Variants in ESRRG observed in about 807,000 individuals in gnomAD.
ESRRG encodes the protein estrogen related receptor gamma.
In ESRRG, 13 loss-of-function variants were observed where a neutral mutation model predicts 44.0. The ratio of observed to expected loss-of-function variants is 0.30; its 90% confidence interval spans 0.19 to 0.47. ESRRG has a LOEUF of 0.47. Among genes scored for constraint, ESRRG ranks in the 20% least tolerant of loss-of-function variants. The pLI is 1.00. For synonymous variants in ESRRG, 215 were observed against 214.6 expected (o/e 1.00, Z -0.02); for missense variants, 395 against 580.6 (o/e 0.68, Z 3.29).
intron 1 of ESRRG, among the ~76,000 whole-genome samples, chr1:217,027,126 A>G (rs993552174): frequency 3.3e-5 from 5 of 152,116 alleles, no homozygotes; most frequent in Admixed American, 2.0e-4. Context: ...TAAATCTCTC[A>G]CCACAAAGGC....
intron 1 of ESRRG, among the ~76,000 whole-genome samples, chr1:217,036,531 G>A (rs544925606): frequency 2.4e-4 from 37 of 152,274 alleles, no homozygotes; most frequent in African/African-American, 8.4e-4. Flanking sequence ...GATGGAGCTG[G>A]CAGCCATTCT....
chr1:216,961,366 T>G (rs978048482), intron 1 of ESRRG, among the ~76,000 whole-genome samples: 2 of 152,126 alleles, frequency 1.3e-5, no homozygotes, highest in Non-Finnish European at 2.9e-5. Context: ...AGTGCAAAAA[T>G]TACCAACCAT....
chr1:216,811,452 C>G (rs950756828), intron 2 of ESRRG, among the ~76,000 whole-genome samples: 1 of 152,166 alleles, frequency 6.6e-6, no homozygotes, highest in Middle Eastern at 3.2e-3. Flanking sequence ...CTCATTAACT[C>G]TAACCTCTCC....
Position 216,519,424 on chromosome 1 carries a change from G to A in ESRRG, c.863-3C>T. ...CGCCAGGGACAGCGTGGAGAAGCCT[G>A]CATGGAAAGATGGGCAGATCAAGTT... On this transcript the variant is annotated splice_region_variant and splice_polypyrimidine_tract_variant and intron_variant, in intron 5 of 6. Coordinates refer to ENST00000408911, the MANE Select transcript of ESRRG (RefSeq NM_001438.4). 6.3e-7 allele frequency: 1 copy of A among 1,599,596 alleles called. No homozygotes were observed. Among genetic ancestry groups the A allele is most frequent in the Non-Finnish European group, 8.5e-7 (1 of 1,177,328 alleles).
upstream of ESRRG, among the ~76,000 whole-genome samples, chr1:217,090,751 C>T (rs763533094): frequency 3.9e-5 from 6 of 152,148 alleles, no homozygotes; most frequent in Non-Finnish European, 8.8e-5. Flanking sequence ...CCAGGGGAGT[C>T]TGGAAGGGCA....
rs188027845 is a variant in ESRRG, at chr1:216,622,218, A to G, written c.589+28755T>C. On this transcript the variant is annotated intron_variant, in intron 3 of 6. Transcript: ENST00000408911. The stretch of plus-strand genomic sequence containing the variant: ...CCTTCTGAGGCTTCATTTGACCACA[A>G]TGACCTCAATGGAGAAAGTCCTTTG... Among the ~76,000 whole-genome samples the G allele has an allele frequency of 5.3e-5, 8 of 152,326 alleles. No individual in the cohort carries two copies. In the East Asian group the frequency reaches 1.5e-3, roughly 29 times the overall value.
chr1:216,536,231 C>A (rs547732820), intron 5 of ESRRG, among the ~76,000 whole-genome samples: 1 of 152,212 alleles, frequency 6.6e-6, no homozygotes, highest in South Asian at 2.1e-4. Flanking sequence ...ACCAGTACCC[C>A]CTTCTCCCCA....
At chr1:216,611,125 C>G (rs1475313665) in intron 3 of ESRRG, among the ~76,000 whole-genome samples, 3 of 148,720 alleles carry the variant, frequency 2.0e-5, no homozygotes, top group Admixed American at 6.8e-5. Context: ...GTCTCTTGAA[C>G]CCGGGAGGTG....
chr1:216,916,038 G>T (rs891871295), intron 2 of ESRRG, among the ~76,000 whole-genome samples: 10 of 152,128 alleles, frequency 6.6e-5, no homozygotes, highest in African/African-American at 2.4e-4. Context: ...ACCACTGTGT[G>T]TGTGTGTGTA....
intron 2 of ESRRG, chr1:216,863,604 C>T (rs2096091662): frequency 6.6e-6 from 1 of 152,130 alleles, no homozygotes; most frequent in Non-Finnish European, 1.5e-5. Flanking sequence ...CCACTTTCTG[C>T]CATATTTTCA....
Position 216,708,376 on chromosome 1 carries a change from C to A in ESRRG, c.56+14868G>T, listed in dbSNP as rs553147722. On this transcript the variant is annotated intron_variant, in intron 1 of 6. Coordinates refer to ENST00000408911, the MANE Select transcript of ESRRG (RefSeq NM_001438.4). ...TAATTTTTTACATTTCAATAGTATT[C>A]TTTTAGTTAAGTTTACATTATATTC... 2.8e-4 allele frequency among the ~76,000 whole-genome samples: 42 copies of A among 152,202 alleles called. 2 individuals carry two copies. Among genetic ancestry groups the A allele is most frequent in the Middle Eastern group, 3.4e-3 (1 of 294 alleles).
At chr1:216,927,428 G>A (rs1263580808) in intron 2 of ESRRG, among the ~76,000 whole-genome samples, 1 of 152,194 alleles carries the variant, frequency 6.6e-6, no homozygotes. Context: ...GCCTGAGGGA[G>A]CTCTGCAAAG....
chr1:216,920,383 AGTGTGTGTGT>A (rs10534433), intron 2 of ESRRG, among the ~76,000 whole-genome samples: 29 of 124,114 alleles, frequency 2.3e-4, no homozygotes, highest in East Asian at 1.0e-3. Flanking sequence ...AATGTATGGG[AGTGTGTGTGT>A]GTGTGTGTGT....
chr1:216,642,499 C>T (rs781287614), intron 3 of ESRRG, among the ~76,000 whole-genome samples: 69 of 152,050 alleles, frequency 4.5e-4, no homozygotes, highest in Middle Eastern at 3.4e-3. Context: ...AATGTCAAGA[C>T]GAAGCTCACA....
At chr1:216,990,577 ATTCCTCCTC>A (rs998238152) in intron 1 of ESRRG, among the ~76,000 whole-genome samples, 5 of 152,006 alleles carry the variant, frequency 3.3e-5, no homozygotes, top group African/African-American at 1.2e-4. Flanking sequence ...AGCAAAACCA[ATTCCTCCTC>A]TTCCTCCTCC....
intron 2 of ESRRG, among the ~76,000 whole-genome samples, chr1:216,735,213 G>GT (rs1190668880): frequency 7.6e-5 from 11 of 145,274 alleles, no homozygotes; most frequent in Non-Finnish European, 1.2e-4. Flanking sequence ...CAGCCTCATT[G>GT]TTTTTTTGTT....
At chr1:217,062,806 G>T (rs991942969) in intron 1 of ESRRG, among the ~76,000 whole-genome samples, 1 of 152,080 alleles carries the variant, frequency 6.6e-6, no homozygotes, top group African/African-American at 2.4e-5. Context: ...ACACTTTTAC[G>T]GCTTGGAAAT....
intron 1 of ESRRG, chr1:216,707,312 G>A (rs767998267): frequency 6.5e-7 from 1 of 1,530,396 alleles, no homozygotes; most frequent in South Asian, 1.2e-5. Context: ...AGATTTAATG[G>A]CAACTTTGGT....
At chr1:217,042,463 TACACACACAAACACACAC>T (rs1044397885) in intron 1 of ESRRG, among the ~76,000 whole-genome samples, 3 of 82,698 alleles carry the variant, frequency 3.6e-5, no homozygotes, top group African/African-American at 1.5e-4. Context: ...CACACACACA[TACACACACAAACACACAC>T]ACACACACAC....
Sources: allele counts gnomAD v4.1 joint callset (sites outside exome capture counted in the v4.1 genomes callset), GRCh38; gene constraint gnomAD v4.1.1; transcripts MANE v1.5; gene names NCBI Gene and HGNC (gene_info 2026-07-23, HGNC 2026-07-21).